Variants in NDRG3 observed in about 807,000 individuals in gnomAD.
The protein encoded by NDRG3 is NDRG family member 3, also known as protein NDRG3.
NDRG3 carries 23 observed loss-of-function variants against 57.2 expected under a neutral mutation model. The observed-to-expected ratio is 0.40, with a 90% CI of 0.29 to 0.57. The LOEUF (loss-of-function observed/expected upper bound fraction) is 0.57, where lower values mean the gene tolerates loss of function less well. NDRG3 is among the 20% of genes least tolerant of loss of function. The probability of loss-of-function intolerance (pLI) is 0.42; values close to 1 mark genes in which losing one functional copy is unlikely to be tolerated. For synonymous variants in NDRG3, 132 were observed against 162.6 expected (o/e 0.81, Z 1.43); for missense variants, 384 against 457.3 (o/e 0.84, Z 1.46).
intron 1 of NDRG3, among the ~76,000 whole-genome samples, chr20:36,732,545 T>C (rs1985346731): frequency 6.6e-6 from 1 of 152,196 alleles, no homozygotes; most frequent in Non-Finnish European, 1.5e-5. Context: ...TTACCCCATC[T>C]GTCAAGGGAA....
intron 6 of NDRG3, among the ~76,000 whole-genome samples, chr20:36,683,363 C>T (rs1052871317): frequency 1.3e-5 from 2 of 151,930 alleles, no homozygotes; most frequent in Admixed American, 6.6e-5. Flanking sequence ...CCTATGATCC[C>T]AGGACTTTGA....
intron 3 of NDRG3, among the ~76,000 whole-genome samples, chr20:36,689,720 T>G (rs1008772194): frequency 2.4e-5 from 3 of 126,354 alleles, no homozygotes; most frequent in Non-Finnish European, 4.6e-5. Context: ...CTAAGAGATT[T>G]TTTTTTTTTT....
chr20:36,672,810 C>T (rs1371924095), intron 8 of NDRG3, among the ~76,000 whole-genome samples: 1 of 148,832 alleles, frequency 6.7e-6, no homozygotes, highest in African/African-American at 2.5e-5. Flanking sequence ...CCCTGGGCAA[C>T]AGAGCAAGAT....
chr20:36,686,485 T>C (rs1482617200), intron 5 of NDRG3, among the ~76,000 whole-genome samples: 3 of 152,166 alleles, frequency 2.0e-5, no homozygotes, highest in South Asian at 2.1e-4. Flanking sequence ...TTGTCTGCAA[T>C]TGTCTATTTC....
intron 1 of NDRG3, among the ~76,000 whole-genome samples, chr20:36,722,244 G>T (rs1202965131): frequency 6.6e-6 from 1 of 152,090 alleles, no homozygotes; most frequent in Non-Finnish European, 1.5e-5. Flanking sequence ...TCAACAATCT[G>T]CAAGGAACTG....
At chr20:36,678,056 T>G (rs1388005043) in intron 8 of NDRG3, among the ~76,000 whole-genome samples, 1 of 152,226 alleles carries the variant, frequency 6.6e-6, no homozygotes, top group Non-Finnish European at 1.5e-5. Context: ...TTTAGTTTCC[T>G]ATCTCCTTGA....
chr20:36,717,657 G>C (rs1038433070), intron 2 of NDRG3, among the ~76,000 whole-genome samples: 3 of 150,546 alleles, frequency 2.0e-5, no homozygotes, highest in South Asian at 4.1e-4. Flanking sequence ...TTCTGAGAGA[G>C]AGAATGTATG....
intron 2 of NDRG3, among the ~76,000 whole-genome samples, chr20:36,720,177 C>A (rs576512759): frequency 6.6e-6 from 1 of 151,518 alleles, no homozygotes; most frequent in Non-Finnish European, 1.5e-5. Context: ...AACAAAACTT[C>A]TTTTCTTTTT....
chr20:36,683,415 G>A (rs186845365), intron 6 of NDRG3, among the ~76,000 whole-genome samples: 78 of 149,982 alleles, frequency 5.2e-4, no homozygotes, highest in African/African-American at 1.8e-3. Context: ...GGAGTTCGAG[G>A]TCAGCCTGGC....
intron 8 of NDRG3, among the ~76,000 whole-genome samples, chr20:36,672,794 A>T (rs1302559460): frequency 6.6e-6 from 1 of 150,790 alleles, no homozygotes; most frequent in Non-Finnish European, 1.5e-5. Context: ...ATGCCACTGC[A>T]CTCCGCCCTG....
intron 1 of NDRG3, among the ~76,000 whole-genome samples, chr20:36,733,146 CAAAAAAAA>C (rs141850127): frequency 4.1e-4 from 16 of 38,952 alleles, no homozygotes; most frequent in East Asian, 3.3e-3. Flanking sequence ...GATCCTGTCT[CAAAAAAAA>C]AAAAAAAAAA....
chr20:36,668,976 A>G (rs1979884430), intron 9 of NDRG3, among the ~76,000 whole-genome samples: 1 of 151,646 alleles, frequency 6.6e-6, no homozygotes, highest in African/African-American at 2.4e-5. Flanking sequence ...GTCTCGAATT[A>G]TGGGCTCAAG....
chr20:36,725,139 TAAAAAA>T (rs1358912736), intron 1 of NDRG3, among the ~76,000 whole-genome samples: 3 of 149,038 alleles, frequency 2.0e-5, no homozygotes, highest in Admixed American at 1.3e-4. Context: ...CTACTAAAAA[TAAAAAA>T]AATTAGACAG....
intron 1 of NDRG3, among the ~76,000 whole-genome samples, chr20:36,733,214 ATTTC>A (rs767888189): frequency 7.1e-5 from 10 of 141,444 alleles, no homozygotes; most frequent in Non-Finnish European, 1.4e-4. Flanking sequence ...GCACATATAA[ATTTC>A]TTTGTTAGTT....
chr20:36,723,686 G>GTA lies in NDRG3; in HGVS notation c.-48-1904_-48-1903insTA, dbSNP rs539121298. Among the ~76,000 whole-genome samples, 98 of 150,904 alleles carry GTA rather than the reference G, an allele frequency of 6.5e-4. 2 individuals are homozygous for GTA. The South Asian group carries it at 0.02, about 30-fold the overall frequency. On this transcript the variant is annotated intron_variant, in intron 1 of 15. Transcript: ENST00000349004. ...TGTGTGTGTGTGTGTGTGTGTGTGT[G>GTA]TGTGTGTGTGTGTCTGGTGTTTTTG...
At chr20:36,673,352 T>G (rs1980350764) in intron 8 of NDRG3, among the ~76,000 whole-genome samples, 1 of 152,182 alleles carries the variant, frequency 6.6e-6, no homozygotes, top group Non-Finnish European at 1.5e-5. Flanking sequence ...AAAAATATGC[T>G]TATCACAAGA....
At chr20:36,678,770 G>A (rs1399631659) in intron 8 of NDRG3, among the ~76,000 whole-genome samples, 2 of 152,200 alleles carry the variant, frequency 1.3e-5, no homozygotes, top group African/African-American at 4.8e-5. Context: ...AATGACTAAA[G>A]CTATTTTGGT....
intron 3 of NDRG3, among the ~76,000 whole-genome samples, chr20:36,696,734 GC>G (rs1982824629): frequency 6.6e-6 from 1 of 150,854 alleles, no homozygotes; most frequent in African/African-American, 2.4e-5. Context: ...CTCGTGATCC[GC>G]CCACCTCGGC....
rs573329384 is a variant in NDRG3 at position 36,690,800 on chromosome 20, A to G, written c.94-2016T>C. 7.9e-4 allele frequency among the ~76,000 whole-genome samples: 111 copies of G among 140,726 alleles called. 1 individual carries two copies. The highest frequency in any genetic ancestry group is 2.8e-3 in the African/African-American group (105 of 37,194). The allele number at this position is 140,726 out of a possible 152,430, so 92.3% of individuals were successfully genotyped here. The stretch of plus-strand genomic sequence containing the variant: ...AGCTCAGGAACCGAATAGAGCAGAC[A>G]AAAGATGCACCGAGCAAAGCTCAGG... On this transcript the variant is annotated intron_variant, in intron 3 of 15. Coordinates refer to ENST00000349004, the MANE Select transcript of NDRG3 (RefSeq NM_032013.4).
Sources: allele counts gnomAD v4.1 joint callset (sites outside exome capture counted in the v4.1 genomes callset), GRCh38; gene constraint gnomAD v4.1.1; transcripts MANE v1.5; gene names NCBI Gene and HGNC (gene_info 2026-07-23, HGNC 2026-07-21).